The following SUGT1 variants were observed in gnomAD, a reference collection of about 807,000 sequenced individuals.
The protein encoded by SUGT1 is SGT1 assembly cochaperone of MIS12 kinetochore complex.
In SUGT1, 15 loss-of-function variants were observed where a neutral mutation model predicts 56.1. That is an observed-to-expected ratio of 0.27 (90% CI 0.18 to 0.41). The LOEUF is 0.41. Among genes scored for constraint, SUGT1 ranks in the 10% least tolerant of loss-of-function variants. The pLI is 1.00. For synonymous variants in SUGT1, 123 were observed against 128.6 expected (o/e 0.96, Z 0.30); for missense variants, 347 against 382.2 (o/e 0.91, Z 0.77).
intron 10 of SUGT1, 128 bp downstream of exon 10, chr13:52,667,047 AATG>A: frequency 1.6e-6 from 1 of 623,418 alleles, no homozygotes; most frequent in Non-Finnish European, 2.7e-6. Context: ...AGAAAATAAG[AATG>A]ATAACTTTTG....
intron 2 of SUGT1, 77 bp downstream of exon 2, chr13:52,653,180 C>T: frequency 6.4e-7 from 1 of 1,555,406 alleles, no homozygotes; most frequent in Non-Finnish European, 8.8e-7. Context: ...GACCCGCCTT[C>T]TCCCCGCACC....
Position 52,700,645 on chromosome 13 carries a change from ACT to A in SUGT1, c.*12814_*12815del, listed in dbSNP as rs1449198446. The A allele has an allele frequency of 6.6e-6, 1 of 151,818 alleles. No homozygotes were observed. The highest frequency in any genetic ancestry group is 1.5e-5 in the Non-Finnish European group (1 of 67,932). 9.4% of individuals were successfully genotyped at this position (151,818 alleles called of 1,614,324 possible). On this transcript the variant is annotated 3_prime_UTR_variant, in exon 13 of 13. Transcript: ENST00000310528. ...GTTTTTGCTGAAATTTGTATCATTA[ACT>A]CTCAAATTTACATCTTCATGTTTGA... is the stretch of plus-strand genomic sequence containing the variant.
intron 11 of SUGT1, among the ~76,000 whole-genome samples, chr13:52,677,299 G>C (rs574000514): frequency 6.6e-6 from 1 of 152,266 alleles, no homozygotes; most frequent in South Asian, 2.1e-4. Context: ...CCCATTGATA[G>C]TGTCTTAACT....
At chr13:52,678,929 T>C (rs1444008458) in intron 11 of SUGT1, among the ~76,000 whole-genome samples, 3 of 152,080 alleles carry the variant, frequency 2.0e-5, no homozygotes, top group African/African-American at 7.2e-5. Flanking sequence ...GCAATCCTCC[T>C]ACTTGGCCTC....
chr13:52,671,290 A>G (rs879401012), intron 10 of SUGT1, among the ~76,000 whole-genome samples: 2 of 142,944 alleles, frequency 1.4e-5, no homozygotes, highest in Non-Finnish European at 3.0e-5. Flanking sequence ...ATCTTTTCAT[A>G]TATTTTGTAA....
At chr13:52,662,952 C>T in intron 6 of SUGT1, 144 bp from the exon 7 acceptor site, 1 of 944,872 alleles carries the variant, frequency 1.1e-6, no homozygotes, top group Non-Finnish European at 1.6e-6. Context: ...ATTCAGGATG[C>T]AAAATGAAAC....
At chr13:52,661,096 G>A (rs1030923210) in intron 5 of SUGT1, among the ~76,000 whole-genome samples, 2 of 152,180 alleles carry the variant, frequency 1.3e-5, no homozygotes, top group African/African-American at 2.4e-5. Flanking sequence ...ACAGGCATGA[G>A]CCACTGCGTC....
At chr13:52,660,713 T>G (rs1462836216) in intron 5 of SUGT1, among the ~76,000 whole-genome samples, 1 of 152,224 alleles carries the variant, frequency 6.6e-6, no homozygotes, top group Non-Finnish European at 1.5e-5. Flanking sequence ...ATCTGCACTC[T>G]TAGCAAATTC....
chr13:52,672,887 G>C (rs9536231), intron 10 of SUGT1, among the ~76,000 whole-genome samples: 2 of 152,296 alleles, frequency 1.3e-5, no homozygotes, highest in East Asian at 3.9e-4. Context: ...GTGGATGGTA[G>C]TACCTATGCT....
rs1328643689 is a variant in SUGT1 at position 52,658,510 on chromosome 13, G to A, written c.257+42G>A. 4 of 1,562,408 alleles carry A rather than the reference G, an allele frequency of 2.6e-6. No individual in the cohort carries two copies. In the Admixed American group the frequency reaches 6.1e-5, roughly 24 times the overall value. On this transcript the variant is annotated intron_variant, in intron 4 of 12. Coordinates refer to ENST00000310528, the MANE Select transcript of SUGT1 (RefSeq NM_006704.5). ...CTTCTTGTTGAGCTTGGTATAGATA[G>A]TAGGTATTTAATTTGTTGAATGAGT... is the stretch of plus-strand genomic sequence containing the variant.
intron 2 of SUGT1, among the ~76,000 whole-genome samples, chr13:52,656,862 A>G (rs545789995): frequency 6.6e-6 from 1 of 152,288 alleles, no homozygotes; most frequent in East Asian, 1.9e-4. Flanking sequence ...TAATTGTGTA[A>G]TCTCTTACAT....
intron 5 of SUGT1, among the ~76,000 whole-genome samples, chr13:52,660,167 G>A (rs1470639492): frequency 4.6e-5 from 7 of 151,950 alleles, no homozygotes; most frequent in African/African-American, 1.7e-4. Context: ...ATACTAAGAG[G>A]TTGTGAGTAA....
At position 52,680,008 on chromosome 13, in the gene SUGT1, T is replaced by C. The variant is rs1457277076; in HGVS notation, c.753T>C (p.Tyr251=). 3 of 1,600,382 alleles carry C rather than the reference T, an allele frequency of 1.9e-6. No individual in the cohort carries two copies. The highest frequency in any genetic ancestry group is 2.5e-6 in the Non-Finnish European group (3 of 1,176,616). Residue 251 remains tyrosine (Y), a synonymous_variant, in exon 12 of 13, where the codon TAT becomes TAC. Coordinates refer to ENST00000310528, the MANE Select transcript of SUGT1 (RefSeq NM_006704.5). ...ACCTATATCCATCATCATCTCCTTATACAAGAAATTGGGATAAATTGGTTG... is the reference window on the plus strand; with the variant it reads ...ACCTATATCCATCATCATCTCCTTACACAAGAAATTGGGATAAATTGGTTG... ...VKNLYPSSSP[Y]TRNWDKLVGE...
At chr13:52,658,119 G>C (rs1401531059) in intron 3 of SUGT1, 1 of 1,327,276 alleles carries the variant, frequency 7.5e-7, no homozygotes, top group Non-Finnish European at 9.7e-7. Flanking sequence ...AATACCTTGA[G>C]TAAAATTACA....
At chr13:52,676,442 T>C in intron 11 of SUGT1, 122 bp downstream of exon 11, 1 of 773,450 alleles carries the variant, frequency 1.3e-6, no homozygotes. Context: ...ACATTGAGTA[T>C]AATAAGGTTG....
Position 52,688,707 on chromosome 13 carries a change from T to G in SUGT1, c.*872T>G, listed in dbSNP as rs1490417282. 6.6e-6 allele frequency: 1 copy of G among 152,192 alleles called. No individual in the cohort carries two copies. Among genetic ancestry groups the G allele is most frequent in the Non-Finnish European group, 1.5e-5 (1 of 68,034 alleles). The allele number at this position is 152,192 out of a possible 1,614,324, so 9.4% of individuals were successfully genotyped here. On this transcript the variant is annotated 3_prime_UTR_variant, in exon 13 of 13. Coordinates refer to ENST00000310528, the MANE Select transcript of SUGT1 (RefSeq NM_006704.5). ...AGTAAATTAATGTGTATATGTTTAG[T>G]ATTTACTCTGTGCCTAGAATATATA...
intron 10 of SUGT1, among the ~76,000 whole-genome samples, chr13:52,675,410 C>A (rs55784661): frequency 6.6e-6 from 1 of 151,984 alleles, no homozygotes; most frequent in Non-Finnish European, 1.5e-5. Flanking sequence ...TCTGTCTCTA[C>A]GAAAAATTTT....
At chr13:52,675,576 C>CT (rs1336914739) in intron 10 of SUGT1, among the ~76,000 whole-genome samples, 2 of 152,132 alleles carry the variant, frequency 1.3e-5, no homozygotes, top group Non-Finnish European at 1.5e-5. Context: ...GACCCTGTCT[C>CT]TAAAAATAAA....
chr13:52,676,758 G>GGT (rs373830068), intron 11 of SUGT1, among the ~76,000 whole-genome samples: 87 of 152,190 alleles, frequency 5.7e-4, no homozygotes, highest in African/African-American at 2.0e-3. Context: ...GGCTTTACAG[G>GGT]GTAAGGTATC....
Sources: gnomAD v4.1 joint callset for allele counts (sites outside exome capture counted in the v4.1 genomes callset) on GRCh38, gnomAD v4.1.1 for gene constraint, MANE v1.5 for transcripts, NCBI Gene and HGNC (gene_info 2026-07-23, HGNC 2026-07-21) for gene names.